The following KCTD1 variants were observed in gnomAD, a reference collection of about 807,000 sequenced individuals.
The protein encoded by KCTD1 is BTB/POZ domain-containing protein KCTD1.
KCTD1 carries 24 observed loss-of-function variants against 66.0 expected under a neutral mutation model. That is an observed-to-expected ratio of 0.36 (90% CI 0.26 to 0.51). KCTD1 has a LOEUF of 0.51. KCTD1 is among the 20% of genes least tolerant of loss of function. The pLI is 0.95. For synonymous variants in KCTD1, 511 were observed against 517.2 expected, an observed-to-expected ratio of 0.99 and a Z score of 0.16; for missense variants, 943 against 1,205.2, an observed-to-expected ratio of 0.78 and a Z score of 3.22.
intron 1 of KCTD1, among the ~76,000 whole-genome samples, chr18:26,636,417 C>T (rs1164511104): frequency 3.9e-5 from 6 of 152,162 alleles, no homozygotes; most frequent in African/African-American, 1.4e-4. Context: ...GGGCTCCTCA[C>T]ATTGCAGCAA....
intron 1 of KCTD1, among the ~76,000 whole-genome samples, chr18:26,519,412 T>C (rs548145594): frequency 7.9e-5 from 12 of 152,232 alleles, no homozygotes; most frequent in Non-Finnish European, 1.2e-4. Context: ...GAAAAATGTT[T>C]TGTCGAGACA....
chr18:26,464,240 G>A (rs964206011), intron 3 of KCTD1, among the ~76,000 whole-genome samples: 1 of 152,180 alleles, frequency 6.6e-6, no homozygotes, highest in Non-Finnish European at 1.5e-5. Flanking sequence ...TGGAGGCTCT[G>A]GGGACAAATC....
chr18:26,499,090 T>G (rs1209464458), intron 2 of KCTD1, among the ~76,000 whole-genome samples: 2 of 152,156 alleles, frequency 1.3e-5, no homozygotes, highest in Non-Finnish European at 2.9e-5. Flanking sequence ...AAAATATAGT[T>G]TTTATTAACT....
In KCTD1 at chr18:26,484,211, T is replaced by C. The variant is rs189918937; in HGVS notation, c.1989-7552A>G. Among the ~76,000 whole-genome samples, 132 of 152,292 alleles carry C rather than the reference T, an allele frequency of 8.7e-4. 1 individual carries two copies. The highest frequency in any genetic ancestry group is 2.8e-3 in the African/African-American group (115 of 41,566). ...TTCATCTATATTTCATGAACACAGA[T>C]AAAAATTAATTCAGAGCTTGTTATA... On this transcript the variant is annotated intron_variant, in intron 2 of 4. Coordinates refer to ENST00000580059, the MANE Select transcript of KCTD1 (RefSeq NM_001142730.3).
chr18:26,477,059 T>C (rs1211900920), intron 2 of KCTD1, among the ~76,000 whole-genome samples: 5 of 152,242 alleles, frequency 3.3e-5, no homozygotes, highest in Non-Finnish European at 7.3e-5. Flanking sequence ...ATTTTGTTTT[T>C]AAGAAATCGT....
intron 1 of KCTD1, among the ~76,000 whole-genome samples, chr18:26,655,445 CACACACAG>C (rs1263287118): frequency 6.6e-6 from 1 of 151,992 alleles, no homozygotes; most frequent in Non-Finnish European, 1.5e-5. Flanking sequence ...TACACACACA[CACACACAG>C]ACACACACAC....
At position 26,546,992 on chromosome 18, in the gene KCTD1, G is replaced by A. The variant is rs1985261373; in HGVS notation, c.1545C>T (p.Ile515=). The change falls in exon 1 of 5, where the codon ATC becomes ATT. Residue 515 remains isoleucine (I), a synonymous_variant. Transcript: ENST00000580059. ...PQPPSLGNTY[I]LPKDSQVGPD... is the part of the protein sequence containing the mutation. ...GCCCGACCTGGCTGTCTTTGGGGAG[G>A]ATGTAAGTGTTCCCCAGCGAGGGCG... The A allele has an allele frequency of 6.9e-7, 1 of 1,450,630 alleles. No individual in the cohort carries two copies. The allele number at this position is 1,450,630 out of a possible 1,614,324, so 89.9% of individuals were successfully genotyped here. A position where few individuals can be genotyped will look rare whatever the true frequency, so the allele number is the denominator to read the frequency against.
chr18:26,625,228 G>A lies in KCTD1; in HGVS notation c.-16+3919C>T, dbSNP rs186628639. On this transcript the variant is annotated intron_variant, in intron 1 of 4. Coordinates refer to the KCTD1 transcript ENST00000317932. ...GCTGGAATGAATTAAGACTTTGGAG[G>A]ACTGTTGGAAAGGCACGATTGTGTT... Among the ~76,000 whole-genome samples the A allele has an allele frequency of 1.5e-3, 226 of 152,284 alleles. 1 individual carries two copies. Among genetic ancestry groups the A allele is most frequent in the Middle Eastern group, 0.014 (4 of 294 alleles).
chr18:26,636,452 C>A (rs1403225553), intron 1 of KCTD1, among the ~76,000 whole-genome samples: 1 of 152,190 alleles, frequency 6.6e-6, no homozygotes, highest in Non-Finnish European at 1.5e-5. Flanking sequence ...CTAGGTCCTT[C>A]CCTGCTGCCT....
intron 3 of KCTD1, among the ~76,000 whole-genome samples, chr18:26,464,943 T>G (rs1267588831): frequency 1.3e-5 from 2 of 152,252 alleles, no homozygotes; most frequent in African/African-American, 4.8e-5. Flanking sequence ...GACAGATCTC[T>G]GTAGCACTTA....
intron 3 of KCTD1, among the ~76,000 whole-genome samples, chr18:26,469,032 C>T (rs886694340): frequency 6.6e-5 from 10 of 152,132 alleles, no homozygotes; most frequent in Middle Eastern, 3.2e-3. Context: ...GCCACCAGAG[C>T]GGAAGGACCC....
intron 1 of KCTD1, among the ~76,000 whole-genome samples, chr18:26,594,326 T>C (rs1343971864): frequency 6.6e-6 from 1 of 152,244 alleles, no homozygotes; most frequent in African/African-American, 2.4e-5. Context: ...TATTTAGTAA[T>C]ATAGGTAAAC....
At chr18:26,528,957 A>G (rs1053999540) in intron 1 of KCTD1, among the ~76,000 whole-genome samples, 2 of 152,100 alleles carry the variant, frequency 1.3e-5, no homozygotes, top group African/African-American at 4.8e-5. Context: ...ATCTGCCCCA[A>G]TAGCTTCAAT....
At chr18:26,596,541 T>C (rs1986770687) in intron 1 of KCTD1, among the ~76,000 whole-genome samples, 1 of 152,234 alleles carries the variant, frequency 6.6e-6, no homozygotes, top group Admixed American at 6.5e-5. Flanking sequence ...TGGCAAGGGA[T>C]TTCTGATGAG....
chr18:26,509,688 T>A (rs1983235325), intron 1 of KCTD1, among the ~76,000 whole-genome samples: 1 of 152,088 alleles, frequency 6.6e-6, no homozygotes, highest in Admixed American at 6.5e-5. Flanking sequence ...AAAATTTCCA[T>A]CCCAAAACAG....
intron 3 of KCTD1, among the ~76,000 whole-genome samples, chr18:26,469,839 T>A (rs1980954835): frequency 6.6e-6 from 1 of 151,980 alleles, no homozygotes; most frequent in South Asian, 2.1e-4. Flanking sequence ...TGGAAAAACA[T>A]AAAAATGTCC....
chr18:26,528,083 T>C (rs73401427), intron 1 of KCTD1, among the ~76,000 whole-genome samples: 222 of 152,294 alleles, frequency 1.5e-3, no homozygotes, highest in African/African-American at 5.0e-3. Flanking sequence ...ATGGAACTCA[T>C]TGGTTCTCTC....
intron 1 of KCTD1, among the ~76,000 whole-genome samples, chr18:26,649,733 A>C (rs554709372): frequency 1.0e-3 from 154 of 152,138 alleles, no homozygotes; most frequent in African/African-American, 3.5e-3. Context: ...TGGTCTCGAT[A>C]TCCTGACCTC....
At chr18:26,490,759 C>CT (rs367683389) in intron 2 of KCTD1, among the ~76,000 whole-genome samples, 3,927 of 148,006 alleles carry the variant, frequency 0.027, 174 homozygotes, top group African/African-American at 0.091. Flanking sequence ...GTTTAGAGGG[C>CT]TTTTTTTTTT....
Sources: allele counts gnomAD v4.1 joint callset (sites outside exome capture counted in the v4.1 genomes callset), GRCh38; gene constraint gnomAD v4.1.1; transcripts MANE v1.5; gene names NCBI Gene and HGNC (gene_info 2026-07-23, HGNC 2026-07-21).